Variants in RALGPS1 observed in about 807,000 individuals in gnomAD.
RALGPS1 encodes the protein ras-specific guanine nucleotide-releasing factor RalGPS1.
In RALGPS1, 19 loss-of-function variants were observed where a neutral mutation model predicts 78.8. That is an observed-to-expected ratio of 0.24 (90% CI 0.17 to 0.35). RALGPS1 has a LOEUF of 0.35. Among genes scored for constraint, RALGPS1 ranks in the 10% least tolerant of loss-of-function variants. RALGPS1 has a pLI of 1.00. For missense variants in RALGPS1, 454 were observed against 688.3 expected (o/e 0.66, Z 3.81); for synonymous variants, 228 against 256.3 (o/e 0.89, Z 1.06).
At chr9:127,159,676 G>A (rs751676741) in intron 8 of RALGPS1, among the ~76,000 whole-genome samples, 5 of 152,198 alleles carry the variant, frequency 3.3e-5, no homozygotes, top group Non-Finnish European at 7.3e-5. Flanking sequence ...CAGGGAGCCT[G>A]GGCCGCCTGC....
At position 127,008,519 on chromosome 9, in the gene RALGPS1, T is replaced by C. The variant is rs575959726; in HGVS notation, c.217-25912T>C. Among the ~76,000 whole-genome samples, 449 of 152,074 alleles carry C rather than the reference T, an allele frequency of 3.0e-3. 2 individuals are homozygous for C. The highest frequency in any genetic ancestry group is 5.7e-3 in the Non-Finnish European group (387 of 67,968). ...TCAGTAGAGGCAGCTGTGGGAAAAG[T>C]GGGATGGGGTGAAGCTGAACATCTT... is the stretch of plus-strand genomic sequence containing the variant. On this transcript the variant is annotated intron_variant, in intron 4 of 18. Coordinates refer to ENST00000259351, the MANE Select transcript of RALGPS1 (RefSeq NM_014636.3).
intron 4 of RALGPS1, among the ~76,000 whole-genome samples, chr9:126,993,865 T>A (rs1423697089): frequency 6.6e-6 from 1 of 152,184 alleles, no homozygotes; most frequent in Admixed American, 6.5e-5. Context: ...GCATTTGCGG[T>A]TCACCAGTAT....
chr9:127,158,306 A>G (rs1436491514), intron 8 of RALGPS1, among the ~76,000 whole-genome samples: 1 of 152,106 alleles, frequency 6.6e-6, no homozygotes, highest in Non-Finnish European at 1.5e-5. Flanking sequence ...GCACCAATCT[A>G]ATAGTATCTT....
At chr9:126,957,111 G>A (rs1291308817) in intron 1 of RALGPS1, among the ~76,000 whole-genome samples, 2 of 152,230 alleles carry the variant, frequency 1.3e-5, no homozygotes, top group Non-Finnish European at 1.5e-5. Flanking sequence ...ATCATGTGAT[G>A]CTTAGCCGGG....
At chr9:126,945,663 G>T (rs574386206) in intron 1 of RALGPS1, among the ~76,000 whole-genome samples, 1 of 152,114 alleles carries the variant, frequency 6.6e-6, no homozygotes, top group Non-Finnish European at 1.5e-5. Flanking sequence ...GGACCATCAG[G>T]TCCCATTGTG....
At chr9:127,129,910 C>A (rs1245888714) in intron 8 of RALGPS1, among the ~76,000 whole-genome samples, 1 of 152,240 alleles carries the variant, frequency 6.6e-6, no homozygotes, top group Non-Finnish European at 1.5e-5. Context: ...CATCTGCTCC[C>A]AGGATCTGCT....
intron 11 of RALGPS1, among the ~76,000 whole-genome samples, chr9:127,179,269 G>C (rs182627887): frequency 6.6e-6 from 1 of 152,324 alleles, no homozygotes; most frequent in African/African-American, 2.4e-5. Context: ...AGACACACTC[G>C]GGGGTCCCAG....
intron 4 of RALGPS1, among the ~76,000 whole-genome samples, chr9:127,032,756 G>A (rs192981047): frequency 1.3e-5 from 2 of 152,248 alleles, no homozygotes; most frequent in East Asian, 1.9e-4. Flanking sequence ...TTTGGAGGCC[G>A]AAGCAAGAAG....
chr9:126,943,299 C>T (rs938418955), intron 1 of RALGPS1, among the ~76,000 whole-genome samples: 4 of 152,078 alleles, frequency 2.6e-5, no homozygotes, highest in Non-Finnish European at 5.9e-5. Context: ...TGCACCACCA[C>T]GCCCGGCTAA....
chr9:127,052,657 G>A (rs982205522), intron 6 of RALGPS1, among the ~76,000 whole-genome samples, 190 bp from the exon 7 acceptor site: 1 of 152,194 alleles, frequency 6.6e-6, no homozygotes, highest in Non-Finnish European at 1.5e-5. Context: ...TTTAGATGCA[G>A]ACTCACCTTT....
rs1207625927 is a variant in RALGPS1, at chr9:127,196,080, G to A, written c.1038-394G>A. Among the ~76,000 whole-genome samples the A allele has an allele frequency of 3.3e-5, 5 of 152,330 alleles. No homozygotes were observed. The East Asian group carries it at 7.7e-4, about 23-fold the overall frequency. On this transcript the variant is annotated intron_variant, in intron 12 of 18. Coordinates refer to ENST00000259351, the MANE Select transcript of RALGPS1 (RefSeq NM_014636.3). ...AATGAGGTTCAACAAGGTGAAGTTC[G>A]TTGCAATGGTGGAAAAACATCAGAG...
Position 127,013,538 on chromosome 9 carries a change from C to G in RALGPS1, c.217-20893C>G, listed in dbSNP as rs369152056. ...AGTCAGTCCCCACACCCTATCTTCC[C>G]CTTTTCCACCTGTCTGTCCCCAGTG... On this transcript the variant is annotated intron_variant, in intron 4 of 18. Coordinates refer to ENST00000259351, the MANE Select transcript of RALGPS1 (RefSeq NM_014636.3). 2.7e-4 allele frequency among the ~76,000 whole-genome samples: 41 copies of G among 152,260 alleles called. No individual in the cohort carries two copies. The East Asian group carries it at 3.1e-3, about 11-fold the overall frequency.
intron 1 of RALGPS1, among the ~76,000 whole-genome samples, chr9:126,953,546 G>A (rs1174868857): frequency 1.3e-5 from 2 of 152,186 alleles, no homozygotes; most frequent in East Asian, 1.9e-4. Flanking sequence ...CACAGCTGAT[G>A]TAGATGTATA....
intron 8 of RALGPS1, among the ~76,000 whole-genome samples, chr9:127,153,375 C>CTTTTTTTTTTTTTTT (rs60308901): frequency 9.8e-6 from 1 of 102,116 alleles, no homozygotes; most frequent in Non-Finnish European, 2.0e-5. Flanking sequence ...TAGAGGATTA[C>CTTTTTTTTTTTTTTT]TTTTTTTTTT....
intron 8 of RALGPS1, among the ~76,000 whole-genome samples, chr9:127,151,039 C>G (rs1390701989): frequency 6.6e-6 from 1 of 152,072 alleles, no homozygotes. Flanking sequence ...AAAAAATTAG[C>G]TGGGTATGGT....
chr9:127,206,906 T>C (rs1483490236), intron 14 of RALGPS1, among the ~76,000 whole-genome samples: 1 of 152,016 alleles, frequency 6.6e-6, no homozygotes, highest in Non-Finnish European at 1.5e-5. Flanking sequence ...TCCACCTCAA[T>C]AGCACCACCT....
At chr9:127,165,865 G>T (rs1488488042) in intron 8 of RALGPS1, among the ~76,000 whole-genome samples, 6 of 152,214 alleles carry the variant, frequency 3.9e-5, no homozygotes, top group African/African-American at 1.4e-4. Flanking sequence ...CATACATTTT[G>T]GTTGTTGCTC....
chr9:127,177,571 G>C (rs1292180474), intron 11 of RALGPS1, among the ~76,000 whole-genome samples: 2 of 152,138 alleles, frequency 1.3e-5, no homozygotes, highest in African/African-American at 4.8e-5. Context: ...CTCAGCCTCA[G>C]CCTCAGCCTC....
At chr9:126,918,110 T>C (rs936870888) in intron 1 of RALGPS1, among the ~76,000 whole-genome samples, 6 of 152,244 alleles carry the variant, frequency 3.9e-5, no homozygotes, top group Non-Finnish European at 1.5e-5. Flanking sequence ...ATGCATATGG[T>C]TTCTGTACCC....
Sources: gnomAD v4.1 joint callset for allele counts (sites outside exome capture counted in the v4.1 genomes callset) on GRCh38, gnomAD v4.1.1 for gene constraint, MANE v1.5 for transcripts, NCBI Gene and HGNC (gene_info 2026-07-23, HGNC 2026-07-21) for gene names.